Variants in TRMU observed in about 807,000 individuals in gnomAD.
The protein encoded by TRMU is mitochondrial tRNA-specific 2-thiouridylase 1.
Under a neutral mutation model 46.9 loss-of-function variants are expected in TRMU, and 49 were observed. That is an observed-to-expected ratio of 1.05 (90% CI 0.83 to 1.33). TRMU has a LOEUF of 1.33. Ranked by LOEUF, TRMU falls within the 40% of genes most tolerant of loss-of-function variation. The pLI is 0.00. For missense variants in TRMU, 572 were observed against 532.4 expected, an observed-to-expected ratio of 1.07 and a Z score of -0.73; for synonymous variants, 241 against 200.9, an observed-to-expected ratio of 1.20 and a Z score of -1.69.
At chr22:46,356,235 C>G (rs2078604441) in intron 10 of TRMU, 163 bp downstream of exon 10, 1 of 691,460 alleles carries the variant, frequency 1.4e-6, no homozygotes, top group African/African-American at 1.8e-5. Context: ...GGGGGCTCCT[C>G]CCACAGTGAC....
In TRMU at chr22:46,352,413, T is replaced by C. The variant is rs6008770; in HGVS notation, c.772+83T>C. On this transcript the variant is annotated intron_variant, in intron 7 of 10. Coordinates refer to ENST00000645190, the MANE Select transcript of TRMU (RefSeq NM_018006.5). ...CTCTGGGAGACTAGACCAGAGTTCC[T>C]GTCGTCCCTTCCACTTGGCTGGAGA... is the stretch of plus-strand genomic sequence containing the variant. The C allele has an allele frequency of 0.15, 220,054 of 1,516,014 alleles. 24,833 individuals carry two copies. Among genetic ancestry groups the C allele is most frequent in the African/African-American group, 0.59 (43,325 of 73,082 alleles). 93.9% of individuals were successfully genotyped at this position (1,516,014 alleles called of 1,614,324 possible). A position where few individuals can be genotyped will look rare whatever the true frequency, so the allele number is the denominator to read the frequency against.
At chr22:46,343,180 A>C (rs946481087) in intron 2 of TRMU, 82 bp from the exon 3 acceptor site, 5 of 1,008,730 alleles carry the variant, frequency 5.0e-6, no homozygotes, top group African/African-American at 3.3e-5. Flanking sequence ...AAATTACATT[A>C]AACAAGCAAT....
chr22:46,356,138 G>A, intron 10 of TRMU, 66 bp downstream of exon 10: 5 of 1,582,722 alleles, frequency 3.2e-6, no homozygotes, highest in Non-Finnish European at 4.3e-6. Flanking sequence ...AGGGCACCCG[G>A]GTTACAGAGG....
rs201138484 is a variant in TRMU, at chr22:46,356,943, G to C, written c.1203G>C (p.Gly401=). The C allele has an allele frequency of 1.2e-6, 2 of 1,613,508 alleles. No individual in the cohort carries two copies. Among genetic ancestry groups the C allele is most frequent in the Non-Finnish European group, 1.7e-6 (2 of 1,180,020 alleles). The change falls in exon 11 of 11, where the codon GGG becomes GGC. Residue 401 remains glycine, a synonymous_variant. Coordinates refer to ENST00000645190, the MANE Select transcript of TRMU (RefSeq NM_018006.5). ...YTLQKGQRRA[G]MATESPSDSP... ...TCCAGAAGGGCCAGCGCAGAGCTGG[G>C]ATGGCCACTGAGAGCCCCAGTGACA... is the stretch of plus-strand genomic sequence containing the variant.
chr22:46,353,336 C>T (rs1262940203), intron 7 of TRMU: 2 of 243,812 alleles, frequency 8.2e-6, no homozygotes, highest in Middle Eastern at 1.6e-3. Context: ...TGCTGTGTGA[C>T]ATTGTGAGGG....
At chr22:46,340,046 G>C (rs890320103) in intron 2 of TRMU, among the ~76,000 whole-genome samples, 1 of 152,144 alleles carries the variant, frequency 6.6e-6, no homozygotes, top group Admixed American at 6.5e-5. Flanking sequence ...CATGGGGAGG[G>C]AGTGTGGGAG....
intron 8 of TRMU, chr22:46,355,016 G>A (rs1314144277): frequency 3.9e-6 from 1 of 255,438 alleles, no homozygotes. Context: ...TTTGGTGTGT[G>A]GAGGAATTCC....
At chr22:46,344,059 A>T (rs1489558898) in intron 3 of TRMU, among the ~76,000 whole-genome samples, 1 of 152,240 alleles carries the variant, frequency 6.6e-6, no homozygotes, top group African/African-American at 2.4e-5. Context: ...AAAATCTTAA[A>T]TTTCAACATT....
intron 7 of TRMU, chr22:46,352,667 T>G: frequency 2.5e-6 from 1 of 402,182 alleles, no homozygotes; most frequent in Non-Finnish European, 4.7e-6. Flanking sequence ...TACACAAAAC[T>G]CCACTCTGAT....
rs959647101 is a variant in TRMU at position 46,357,147 on chromosome 22, A to C, written c.*141A>C. The C allele has an allele frequency of 5.1e-6, 6 of 1,179,788 alleles. No individual in the cohort carries two copies. The highest frequency in any genetic ancestry group is 7.3e-6 in the Non-Finnish European group (6 of 825,000). The allele number at this position is 1,179,788 out of a possible 1,614,324, so 73.1% of individuals were successfully genotyped here. On this transcript the variant is annotated 3_prime_UTR_variant, in exon 11 of 11. Transcript: ENST00000645190. ...CTGGCTGAGGGTCCGAAAAGCCTGC[A>C]GGGGCCCGGCGAGCCCCAGGAAGAG...
At position 46,350,927 on chromosome 22, in the gene TRMU, C is replaced by T. The variant is rs1390610496; in HGVS notation, c.651+464C>T. 6.6e-6 allele frequency among the ~76,000 whole-genome samples: 1 copy of T among 152,252 alleles called. No individual in the cohort carries two copies. Among genetic ancestry groups the T allele is most frequent in the Non-Finnish European group, 1.5e-5 (1 of 68,052 alleles). ...CTGCTGGGCCGCGAGGAATTGGTGACGCGCACACAGTTCCATCTTCGCCTC... is the reference window on the plus strand; with the variant it reads ...CTGCTGGGCCGCGAGGAATTGGTGATGCGCACACAGTTCCATCTTCGCCTC... On this transcript the variant is annotated intron_variant, in intron 5 of 10. Transcript: ENST00000645190. This position sits in a 1 kb window ranked among gnomAD's most constrained non-coding sequence, Gnocchi z 4.6.
Position 46,347,106 on chromosome 22 carries a change from C to T in TRMU, c.478+562C>T, listed in dbSNP as rs919140611. ...GTGAGCTGGGAAGCTGCTGGCCTGT[C>T]CTGGTGTACATTCGTGTGTAGAAAA... On this transcript the variant is annotated intron_variant, in intron 4 of 10. Coordinates refer to ENST00000645190, the MANE Select transcript of TRMU (RefSeq NM_018006.5). The surrounding 1 kb of genome is among the most constrained non-coding windows in gnomAD (Gnocchi z 5.0). Among the ~76,000 whole-genome samples, 1 of 152,218 alleles carries T rather than the reference C, an allele frequency of 6.6e-6. No homozygotes were observed. Among genetic ancestry groups the T allele is most frequent in the Non-Finnish European group, 1.5e-5 (1 of 68,046 alleles).
Position 46,336,225 on chromosome 22 carries a change from G to A in TRMU, c.82+379G>A, listed in dbSNP as rs766145249. ...TGAGGGGAGCTGGGATCGCCGGGCC[G>A]GGGGCCTGACCTCTGCACACGCTGT... On this transcript the variant is annotated intron_variant, in intron 1 of 10. Transcript: ENST00000645190. This position sits in a 1 kb window ranked among gnomAD's most constrained non-coding sequence, Gnocchi z 4.1. 1 of 1,007,686 alleles carries A rather than the reference G, an allele frequency of 9.9e-7. No homozygotes were observed. The highest frequency in any genetic ancestry group is 1.2e-6 in the Non-Finnish European group (1 of 810,416). 62.4% of individuals were successfully genotyped at this position (1,007,686 alleles called of 1,614,324 possible). A position where few individuals can be genotyped will look rare whatever the true frequency, so the allele number is the denominator to read the frequency against.
rs2078150564 is a variant in TRMU, at chr22:46,342,653, T to TA, written c.249-602dup. 6.6e-6 allele frequency among the ~76,000 whole-genome samples: 1 copy of TA among 151,976 alleles called. No individual in the cohort carries two copies. ...GCAACATGGCAAGACCTCATCTCTATAAAAAAAGAAAAGGTTGCAGTGGGC... is the reference window on the plus strand; with the variant it reads ...GCAACATGGCAAGACCTCATCTCTATAAAAAAAAGAAAAGGTTGCAGTGGGC... On this transcript the variant is annotated intron_variant, in intron 2 of 10. Transcript: ENST00000645190. The surrounding 1 kb of genome is among the most constrained non-coding windows in gnomAD (Gnocchi z 4.7).
rs958039751 is a variant in TRMU at position 46,352,412 on chromosome 22, C to T, written c.772+82C>T. On this transcript the variant is annotated intron_variant, in intron 7 of 10. Coordinates refer to ENST00000645190, the MANE Select transcript of TRMU (RefSeq NM_018006.5). Reference sequence around the variant, plus strand: ...GCTCTGGGAGACTAGACCAGAGTTCCTGTCGTCCCTTCCACTTGGCTGGAG... The same window carrying T: ...GCTCTGGGAGACTAGACCAGAGTTCTTGTCGTCCCTTCCACTTGGCTGGAG... The T allele has an allele frequency of 4.3e-5, 66 of 1,522,322 alleles. No individual in the cohort carries two copies. The Admixed American group carries it at 9.4e-4, about 22-fold the overall frequency. 94.3% of individuals were successfully genotyped at this position (1,522,322 alleles called of 1,614,324 possible).
intron 7 of TRMU, 25 bp downstream of exon 7, chr22:46,352,355 T>C: frequency 6.2e-7 from 1 of 1,612,924 alleles, no homozygotes; most frequent in Non-Finnish European, 8.5e-7. Context: ...CTGCCACTTG[T>C]CATCTGAAAT....
Position 46,341,186 on chromosome 22 carries a change from C to A in TRMU, c.249-2076C>A, listed in dbSNP as rs145589507. On this transcript the variant is annotated intron_variant, in intron 2 of 10. Transcript: ENST00000645190. The stretch of plus-strand genomic sequence containing the variant: ...GTTTTTGCTAATGCCAAAACACACG[C>A]CTTCCCATCTGCTGTTTACGAAAGG... Among the ~76,000 whole-genome samples, 883 of 152,306 alleles carry A rather than the reference C, an allele frequency of 5.8e-3. 9 individuals are homozygous for A. Among genetic ancestry groups the A allele is most frequent in the African/African-American group, 0.019 (807 of 41,556 alleles).
intron 1 of TRMU, among the ~76,000 whole-genome samples, chr22:46,337,095 T>C (rs1408506717): frequency 2.6e-5 from 4 of 152,334 alleles, no homozygotes; most frequent in Middle Eastern, 6.8e-3. Flanking sequence ...GGTGTAGTTT[T>C]GACAAAGCTT....
rs1021566040 is a variant in TRMU at position 46,338,411 on chromosome 22, G to A, written c.248+467G>A. 9.9e-5 allele frequency among the ~76,000 whole-genome samples: 15 copies of A among 152,274 alleles called. No individual in the cohort carries two copies. The highest frequency in any genetic ancestry group is 4.6e-4 in the Admixed American group (7 of 15,290). ...TAATCTCAATAATTAAGTGCTGTGTGCTAGGCGTGTGCCACATCTAGGAAC... is the reference window on the plus strand; with the variant it reads ...TAATCTCAATAATTAAGTGCTGTGTACTAGGCGTGTGCCACATCTAGGAAC... On this transcript the variant is annotated intron_variant, in intron 2 of 10. Coordinates refer to ENST00000645190, the MANE Select transcript of TRMU (RefSeq NM_018006.5). This position sits in a 1 kb window ranked among gnomAD's most constrained non-coding sequence, Gnocchi z 4.5.
Sources: gnomAD v4.1 joint callset for allele counts (sites outside exome capture counted in the v4.1 genomes callset) on GRCh38, gnomAD v4.1.1 for gene constraint, Gnocchi (gnomAD v3.1) non-coding constraint, MANE v1.5 for transcripts, NCBI Gene and HGNC (gene_info 2026-07-23, HGNC 2026-07-21) for gene names.